Variants in TBX3 observed in about 807,000 individuals in gnomAD.
TBX3 encodes T-box transcription factor TBX3.
A neutral mutation model predicts 47.8 loss-of-function variants in TBX3; 11 were observed. The ratio of observed to expected loss-of-function variants is 0.23; its 90% CI spans 0.14 to 0.38. The LOEUF (loss-of-function observed/expected upper bound fraction) is 0.38, where lower values mean the gene tolerates loss of function less well. Among genes scored for constraint, TBX3 ranks in the 10% least tolerant of loss-of-function variants. The pLI is 1.00. For synonymous variants in TBX3, 500 were observed against 449.3 expected, an observed-to-expected ratio of 1.11 and a Z score of -1.43; for missense variants, 927 against 1,022.8, an observed-to-expected ratio of 0.91 and a Z score of 1.28.
In TBX3 at chr12:114,674,291, C is replaced by T; in HGVS notation, c.1584G>A (p.Gly528=). The change falls in exon 6 of 7, where the codon GGG becomes GGA. Residue 528 remains glycine, a synonymous_variant. Transcript: ENST00000349155. ...GMGPLLATVS[G]ASTGVSGLDS... is the part of the protein sequence containing the mutation. ...CCAGGCCCGAGACACCGGTGGAGGC[C>T]CCAGAAACCGTGGCCAGGAGGGGAC... 1 of 1,580,722 alleles carries T rather than the reference C, an allele frequency of 6.3e-7. No individual in the cohort carries two copies. The highest frequency in any genetic ancestry group is 8.6e-7 in the Non-Finnish European group (1 of 1,163,686).
At chr12:114,681,856 TAAAAG>T (rs1482964926) in intron 1 of TBX3, among the ~76,000 whole-genome samples, 1 of 152,218 alleles carries the variant, frequency 6.6e-6, no homozygotes, top group Non-Finnish European at 1.5e-5. Context: ...AGTCTTGACT[TAAAAG>T]GAAGCAAGGA....
intron 3 of TBX3, 67 bp from the exon 4 acceptor site, chr12:114,677,723 T>C (rs1868768006): frequency 2.7e-6 from 4 of 1,483,758 alleles, no homozygotes; most frequent in Non-Finnish European, 3.8e-6. Flanking sequence ...TGAGGGTGTT[T>C]TTCCCAACTC....
At chr12:114,680,668 G>C (rs1868888481) in intron 2 of TBX3, 3 of 707,048 alleles carry the variant, frequency 4.2e-6, no homozygotes, top group Non-Finnish European at 7.4e-6. Context: ...ACACAAGCCG[G>C]TAAGTTTTCT....
At position 114,679,627 on chromosome 12, in the gene TBX3, A is replaced by G. The variant is rs528696682; in HGVS notation, c.682T>C (p.Tyr228His). The change falls in exon 3 of 7, where the codon TAC becomes CAC. Residue 228 changes from tyrosine to histidine, a missense_variant. Physicochemically the swap from Tyr to His is moderately conservative, Grantham distance 83. Coordinates refer to ENST00000349155, the MANE Select transcript of TBX3 (RefSeq NM_005996.4). ...CTTACAATGTGGAACCGGGGCTGGT[A>G]TTTGTGCATGGAGTTCAATATAGTC... is the stretch of plus-strand genomic sequence containing the variant. ...GFTILNSMHK[Y>H]QPRFHIVRAN... 6.2e-7 allele frequency: 1 copy of G among 1,614,122 alleles called. No individual in the cohort carries two copies. The highest frequency in any genetic ancestry group is 1.3e-5 in the African/African-American group (1 of 75,022).
rs1198828600 is a variant in TBX3, at chr12:114,675,261, A to G, written c.1040-426T>C. On this transcript the variant is annotated intron_variant, in intron 5 of 6. Coordinates refer to ENST00000349155, the MANE Select transcript of TBX3 (RefSeq NM_005996.4). The stretch of plus-strand genomic sequence containing the variant: ...ACAGCTGGAACATATTCTAATTACT[A>G]TCAAAAAATCAGTGAATGACAGAGA... Among the ~76,000 whole-genome samples, 4 of 152,352 alleles carry G rather than the reference A, an allele frequency of 2.6e-5. No individual in the cohort carries two copies. The South Asian group carries it at 6.2e-4, about 24-fold the overall frequency.
In TBX3 at chr12:114,674,606, C is replaced by T. The variant is rs773964538; in HGVS notation, c.1269G>A (p.Ser423=). Residue 423 remains serine, a synonymous_variant, in exon 6 of 7, where the codon TCG becomes TCA. Transcript: ENST00000349155. ...CCGCGCCCAGGCCGCGAGTGCTGGA[C>T]GAGATGGTGGCGGGGCTATGGCGTG... The part of the protein sequence containing the change: ...PDSRHSPATI[S]SSTRGLGAEE... 1.3e-5 allele frequency: 21 copies of T among 1,600,196 alleles called. No homozygotes were observed. In the East Asian group the frequency reaches 4.3e-4, roughly 33 times the overall value.
Position 114,683,005 on chromosome 12 carries a change from C to G in TBX3, c.196G>C (p.Asp66His). ...LPGALAKPIM[D>H]QLVGAAETGI... ...GTCTCGGCCGCCCCCACCAATTGAT[C>G]CATGATCGGCTTGGCCAGGGCGCCC... Residue 66 changes from aspartate to histidine, a missense_variant, in exon 1 of 7, where the codon GAT (aspartate) becomes CAT (histidine). Asp to His is a moderately conservative substitution (Grantham distance 81, BLOSUM62 -1). Around this residue, in one of 5 missense-constraint regions of TBX3, gnomAD observed 216 missense variants for 281.2 expected, o/e 0.77. Transcript: ENST00000349155. The surrounding 1 kb of genome is among the most constrained non-coding windows in gnomAD (Gnocchi z 7.7). 6.2e-7 allele frequency: 1 copy of G among 1,613,670 alleles called. No homozygotes were observed. Among genetic ancestry groups the G allele is most frequent in the Non-Finnish European group, 8.5e-7 (1 of 1,179,766 alleles).
chr12:114,675,450 G>C (rs1004197804), intron 5 of TBX3, among the ~76,000 whole-genome samples: 4 of 152,168 alleles, frequency 2.6e-5, no homozygotes, highest in African/African-American at 9.7e-5. Flanking sequence ...ATGAGTGTCG[G>C]ACAGATGGCT....
intron 5 of TBX3, among the ~76,000 whole-genome samples, chr12:114,675,821 G>A (rs1172262585): frequency 6.8e-6 from 1 of 147,822 alleles, no homozygotes; most frequent in Non-Finnish European, 1.5e-5. Context: ...GTCAATTGTT[G>A]CTTTATAGCT....
rs34845536 is a variant in TBX3, at chr12:114,679,859, G to GC, written c.658-209dup. On this transcript the variant is annotated intron_variant, in intron 2 of 6. Transcript: ENST00000349155. The stretch of plus-strand genomic sequence containing the variant: ...CAAATTGCTCCTCAGTTGCCAAAGG[G>GC]CCCCCCCCACCCTCACCATCTAAGG... 7.6e-4 allele frequency: 1,214 copies of GC among 1,589,918 alleles called. 3 individuals are homozygous for GC. The highest frequency in any genetic ancestry group is 7.9e-4 in the Non-Finnish European group (913 of 1,161,996).
intron 2 of TBX3, chr12:114,679,986 G>C: frequency 6.2e-7 from 1 of 1,613,918 alleles, no homozygotes; most frequent in South Asian, 1.1e-5. Flanking sequence ...AAAAGATAGA[G>C]AAAAACATGC....
At chr12:114,677,011 T>G (rs1565860485) in intron 4 of TBX3, among the ~76,000 whole-genome samples, 5 of 152,304 alleles carry the variant, frequency 3.3e-5, no homozygotes, top group Admixed American at 2.6e-4. Context: ...CAATTATTTT[T>G]TAATGCCCGC....
rs759936081 is a variant in TBX3 at position 114,671,493 on chromosome 12, C to A, written c.*348G>T. ...GGAAAAATATATATATAAATCCGCACTGAGGGAGATGTCTTTGAACACCTC... is the reference window on the plus strand; with the variant it reads ...GGAAAAATATATATATAAATCCGCAATGAGGGAGATGTCTTTGAACACCTC... On this transcript the variant is annotated 3_prime_UTR_variant, in exon 7 of 7. Coordinates refer to ENST00000349155, the MANE Select transcript of TBX3 (RefSeq NM_005996.4). 5 of 409,376 alleles carry A rather than the reference C, an allele frequency of 1.2e-5. No homozygotes were observed. The South Asian group carries it at 1.8e-4, about 14-fold the overall frequency. 25.4% of individuals were successfully genotyped at this position (409,376 alleles called of 1,614,324 possible).
chr12:114,679,701 A>G lies in TBX3; in HGVS notation c.658-50T>C, dbSNP rs1357431649. 4 of 1,613,300 alleles carry G rather than the reference A, an allele frequency of 2.5e-6. No individual in the cohort carries two copies. The African/African-American group carries it at 5.3e-5, about 22-fold the overall frequency. On this transcript the variant is annotated intron_variant, in intron 2 of 6. Transcript: ENST00000349155. ...ATACATAAAACAAGGATTTAGCAGA[A>G]CAAACGGGATCTTAGGACCCCTGCC...
chr12:114,677,856 G>A (rs1050288047), intron 3 of TBX3, among the ~76,000 whole-genome samples, 200 bp from the exon 4 acceptor site: 2 of 152,164 alleles, frequency 1.3e-5, no homozygotes, highest in Non-Finnish European at 2.9e-5. Flanking sequence ...ATTTGGGGAT[G>A]AAATTATTCA....
At chr12:114,676,869 G>A (rs887549900) in intron 4 of TBX3, among the ~76,000 whole-genome samples, 14 of 152,308 alleles carry the variant, frequency 9.2e-5, no homozygotes, top group South Asian at 4.1e-4. Context: ...CAAACACAAC[G>A]CTGTCTGTCC....
In TBX3 at chr12:114,674,747, G is replaced by A. The variant is rs1868629114; in HGVS notation, c.1128C>T (p.Ser376=). ...GPEACDAAKI[S]TTTSEEPCRD... ...GGCAGGGCTCCTCCGACGTGGTGGT[G>A]GAGATCTTGGCCGCGTCGCAGGCCT... Residue 376 remains serine (S), a synonymous_variant, in exon 6 of 7, where the codon TCC becomes TCT. Coordinates refer to ENST00000349155, the MANE Select transcript of TBX3 (RefSeq NM_005996.4). 1.3e-6 allele frequency: 2 copies of A among 1,594,720 alleles called. No homozygotes were observed. The highest frequency in any genetic ancestry group is 2.7e-5 in the African/African-American group (2 of 74,812).
At chr12:114,680,800 A>C (rs982849066) in intron 2 of TBX3, 79 bp downstream of exon 2, 8 of 1,595,614 alleles carry the variant, frequency 5.0e-6, no homozygotes, top group Non-Finnish European at 6.0e-6. Context: ...GTCTGGGCTG[A>C]AACTCATGAA....
Position 114,674,594 on chromosome 12 carries a change from G to A in TBX3, c.1281C>T (p.Arg427=), listed in dbSNP as rs748219492. ...HSPATISSST[R]GLGAEERRSP... ...TCCTGCGCTCCTCCGCGCCCAGGCCGCGAGTGCTGGACGAGATGGTGGCGG... is the reference window on the plus strand; with the variant it reads ...TCCTGCGCTCCTCCGCGCCCAGGCCACGAGTGCTGGACGAGATGGTGGCGG... The change falls in exon 6 of 7, where the codon CGC becomes CGT. Residue 427 remains arginine (R), a synonymous_variant. Transcript: ENST00000349155. 6.3e-6 allele frequency: 10 copies of A among 1,594,110 alleles called. No homozygotes were observed. The highest frequency in any genetic ancestry group is 4.5e-5 in the East Asian group (2 of 44,218).
Sources: gnomAD v4.1 joint callset for allele counts (sites outside exome capture counted in the v4.1 genomes callset) on GRCh38, gnomAD v4.1.1 for gene constraint, gnomAD v4.1.1 regional missense constraint, Gnocchi (gnomAD v3.1) non-coding constraint, MANE v1.5 for transcripts, NCBI Gene and HGNC (gene_info 2026-07-23, HGNC 2026-07-21) for gene names.